The following ATP5PD variants were observed in gnomAD, a reference collection of about 807,000 sequenced individuals.
ATP5PD encodes ATP synthase peripheral stalk subunit d, mitochondrial.
In ATP5PD, 13 loss-of-function variants were observed where a neutral mutation model predicts 22.6. The observed-to-expected ratio is 0.58, with a 90% CI of 0.37 to 0.91. The LOEUF is 0.91. ATP5PD is among the 40% of genes least tolerant of loss of function. ATP5PD has a pLI of 0.00. For missense variants in ATP5PD, 165 were observed against 188.0 expected, an observed-to-expected ratio of 0.88 and a Z score of 0.72; for synonymous variants, 51 against 65.0, an observed-to-expected ratio of 0.79 and a Z score of 1.03.
intron 1 of ATP5PD, among the ~76,000 whole-genome samples, chr17:75,043,019 C>T (rs568239931): frequency 5.9e-5 from 9 of 151,924 alleles, no homozygotes; most frequent in Admixed American, 3.3e-4. Context: ...GTCAGGAGTT[C>T]GAGACCAGCA....
rs377594522 is a variant in ATP5PD at position 75,042,243 on chromosome 17, C to T, written c.157G>A (p.Asp53Asn). The part of the protein sequence containing the change: ...AALPENPPAI[D>N]WAYYKANVAK... ...ACATTGGCCTTGTAGTAAGCCCAGTCGATAGCTGGTGGATTCTCAGGTAAA... is the reference window on the plus strand; with the variant it reads ...ACATTGGCCTTGTAGTAAGCCCAGTTGATAGCTGGTGGATTCTCAGGTAAA... Residue 53 changes from aspartate to asparagine, a missense_variant, in exon 3 of 6, where the codon GAC becomes AAC. Coordinates refer to ENST00000301587, the MANE Select transcript of ATP5PD (RefSeq NM_006356.3). 2.5e-6 allele frequency: 4 copies of T among 1,614,030 alleles called. No individual in the cohort carries two copies. Among genetic ancestry groups the T allele is most frequent in the African/African-American group, 2.7e-5 (2 of 74,932 alleles).
intron 1 of ATP5PD, among the ~76,000 whole-genome samples, chr17:75,046,300 T>C (rs1160002129): frequency 2.6e-5 from 4 of 152,146 alleles, no homozygotes; most frequent in African/African-American, 9.7e-5. Flanking sequence ...GCCAGGCTGG[T>C]CTCGAACTCC....
chr17:75,039,899 CTTT>C, intron 4 of ATP5PD, 190 bp downstream of exon 4: 1 of 651,560 alleles, frequency 1.5e-6, no homozygotes, highest in Non-Finnish European at 2.7e-6. Context: ...CTATACTCTT[CTTT>C]TTCTTGTTGG....
At chr17:75,040,851 A>G (rs2073152532) in intron 3 of ATP5PD, 1 of 148,352 alleles carries the variant, frequency 6.7e-6, no homozygotes, top group African/African-American at 2.5e-5. Context: ...GCCCCACTGC[A>G]CTCCAGCCTG....
At position 75,046,923 on chromosome 17, in the gene ATP5PD, A is replaced by G. The variant is rs2073226492; in HGVS notation, c.-10+2T>C. The G allele has an allele frequency of 6.4e-6, 1 of 157,158 alleles. No individual in the cohort carries two copies. The highest frequency in any genetic ancestry group is 6.5e-5 in the Admixed American group (1 of 15,390). 9.7% of individuals were successfully genotyped at this position (157,158 alleles called of 1,614,324 possible). A position where few individuals can be genotyped will look rare whatever the true frequency, so the allele number is the denominator to read the frequency against. ...GGATCCAATGCCCCAAGCCCCACTC[A>G]CCTTCACCGACCCTGGCTGCCCACG... On this transcript the variant is annotated splice_donor_variant, in intron 1 of 5. Transcript: ENST00000301587. LOFTEE classifies it low-confidence loss of function (5UTR_SPLICE).
chr17:75,042,048 C>T (rs2144912715), intron 3 of ATP5PD, 133 bp downstream of exon 3: 1 of 724,536 alleles, frequency 1.4e-6, no homozygotes, highest in Non-Finnish European at 2.3e-6. Context: ...ACCACAAGGC[C>T]TTTGGCCATA....
rs532341857 is a variant in ATP5PD, at chr17:75,046,336, C to A, written c.-10+589G>T. On this transcript the variant is annotated intron_variant, in intron 1 of 5. Coordinates refer to ENST00000301587, the MANE Select transcript of ATP5PD (RefSeq NM_006356.3). ...TGACCTCGCGATTCGCCCGCCTTGG[C>A]CTCCTAAAATTCTGGGATTACAGGC... is the stretch of plus-strand genomic sequence containing the variant. 3.3e-5 allele frequency among the ~76,000 whole-genome samples: 5 copies of A among 152,314 alleles called. 1 individual carries two copies. The highest frequency in any genetic ancestry group is 1.2e-4 in the African/African-American group (5 of 41,572).
chr17:75,039,308 G>A (rs778083795), intron 4 of ATP5PD, 37 bp from the exon 5 acceptor site: 26 of 1,590,260 alleles, frequency 1.6e-5, no homozygotes, highest in South Asian at 1.1e-4. Context: ...CTGAAACCAG[G>A]CTGCATTCTA....
intron 4 of ATP5PD, 180 bp from the exon 5 acceptor site, chr17:75,039,451 A>G: frequency 1.7e-6 from 1 of 589,046 alleles, no homozygotes; most frequent in Middle Eastern, 4.5e-4. Context: ...TAACACTCAC[A>G]GAGAAGCCCA....
chr17:75,039,016 C>G lies in ATP5PD; in HGVS notation c.402G>C (p.Glu134Asp). The change falls in exon 6 of 6, where the codon GAG (glutamate) becomes GAC (aspartate). Residue 134 changes from glutamate (E) to aspartate (D), a missense_variant. Coordinates refer to ENST00000301587, the MANE Select transcript of ATP5PD (RefSeq NM_006356.3). ...TTTCTGGGAAAGCTTCATTCAAGTC[C>G]TCAATGGTCATCTGATCAAATGGAA... ...NLIPFDQMTI[E>D]DLNEAFPETK... The G allele has an allele frequency of 6.2e-7, 1 of 1,614,132 alleles. No homozygotes were observed. The highest frequency in any genetic ancestry group is 8.5e-7 in the Non-Finnish European group (1 of 1,179,984).
At chr17:75,041,824 G>A (rs1236760992) in intron 3 of ATP5PD, 2 of 177,814 alleles carry the variant, frequency 1.1e-5, no homozygotes, top group Non-Finnish European at 2.3e-5. Flanking sequence ...TATGCCGATC[G>A]GGTGTCTTCA....
In ATP5PD at chr17:75,040,405, C is replaced by G. The variant is rs558965430; in HGVS notation, c.220-242G>C. ...CTCAGCCCTATCACTAACTCGGAAC[C>G]CTGGACAATTCTTTATGATGATAAG... On this transcript the variant is annotated intron_variant, in intron 3 of 5. Coordinates refer to ENST00000301587, the MANE Select transcript of ATP5PD (RefSeq NM_006356.3). 4 of 505,732 alleles carry G rather than the reference C, an allele frequency of 7.9e-6. No homozygotes were observed. In the East Asian group the frequency reaches 1.3e-4, roughly 17 times the overall value. 31.3% of individuals were successfully genotyped at this position (505,732 alleles called of 1,614,324 possible).
At position 75,042,566 on chromosome 17, in the gene ATP5PD, T is replaced by A. The variant is rs1332168773; in HGVS notation, c.85A>T (p.Ser29Cys). Reference sequence around the variant, plus strand: ...GTCTCATTCCAGGATTTCAGGGAACTAGCAATGGCCTTTTGGTTCTGGGGT... The same window carrying A: ...GTCTCATTCCAGGATTTCAGGGAACAAGCAATGGCCTTTTGGTTCTGGGGT... ...IIPQNQKAIASSLKSWNETLT... is the reference protein window; with the variant it reads ...IIPQNQKAIACSLKSWNETLT... The change falls in exon 2 of 6, where the codon AGT (serine) becomes TGT (cysteine). Residue 29 changes from serine to cysteine, a missense_variant. Transcript: ENST00000301587. The A allele has an allele frequency of 1.2e-6, 2 of 1,612,738 alleles. No homozygotes were observed. Among genetic ancestry groups the A allele is most frequent in the Admixed American group, 3.3e-5 (2 of 59,996 alleles).
chr17:75,040,244 G>A (rs2073145521), intron 3 of ATP5PD, 81 bp from the exon 4 acceptor site: 5 of 1,536,300 alleles, frequency 3.3e-6, no homozygotes, highest in East Asian at 4.5e-5. Context: ...ATACACCCAG[G>A]AGCTCAAAGG....
intron 1 of ATP5PD, among the ~76,000 whole-genome samples, chr17:75,045,254 C>T (rs138851328): frequency 0.012 from 1,827 of 152,290 alleles, 28 homozygotes; most frequent in African/African-American, 0.042. Flanking sequence ...AATAGAATAT[C>T]ACAAGGCAAG....
chr17:75,043,638 G>C (rs2073183458), intron 1 of ATP5PD, among the ~76,000 whole-genome samples: 1 of 148,862 alleles, frequency 6.7e-6, no homozygotes, highest in African/African-American at 2.5e-5. Context: ...ACAAACCCCA[G>C]CTCTCTTTAT....
At chr17:75,046,066 G>T (rs1452770035) in intron 1 of ATP5PD, among the ~76,000 whole-genome samples, 1 of 152,216 alleles carries the variant, frequency 6.6e-6, no homozygotes, top group African/African-American at 2.4e-5. Context: ...AGTGGAAAAT[G>T]GAAGTCACAA....
At chr17:75,046,742 G>A (rs1360730113) in intron 1 of ATP5PD, among the ~76,000 whole-genome samples, 183 bp downstream of exon 1, 1 of 151,776 alleles carries the variant, frequency 6.6e-6, no homozygotes, top group Admixed American at 6.6e-5. Context: ...GCGCGCCAAG[G>A]AGGGCTGAGG....
In ATP5PD at chr17:75,039,283, AAG is replaced by A. The variant is rs1338100755; in HGVS notation, c.292-14_292-13del. On this transcript the variant is annotated splice_polypyrimidine_tract_variant and intron_variant, in intron 4 of 5. Transcript: ENST00000301587. ...GCACAAGATTTCACCTTTAAGAAGA[AAG>A]AGAAATTCAGTTCTGAAACCAGGCT... is the stretch of plus-strand genomic sequence containing the variant. The A allele has an allele frequency of 1.9e-6, 3 of 1,613,762 alleles. No individual in the cohort carries two copies. Among genetic ancestry groups the A allele is most frequent in the Non-Finnish European group, 2.5e-6 (3 of 1,179,764 alleles).
Sources: gnomAD v4.1 joint callset for allele counts (sites outside exome capture counted in the v4.1 genomes callset) on GRCh38, gnomAD v4.1.1 for gene constraint, MANE v1.5 for transcripts, NCBI Gene and HGNC (gene_info 2026-07-23, HGNC 2026-07-21) for gene names.